Variants in LZTS1 observed in about 807,000 individuals in gnomAD.
LZTS1 encodes the protein leucine zipper tumor suppressor 1.
LZTS1 carries 31 observed loss-of-function variants against 45.8 expected under a neutral mutation model. That is an observed-to-expected ratio of 0.68 (90% CI 0.51 to 0.91). LZTS1 has a LOEUF of 0.91. Ranked by LOEUF, LZTS1 falls within the 40% of genes least tolerant of loss-of-function variation. The pLI is 0.00. For synonymous variants in LZTS1, 359 were observed against 357.3 expected (o/e 1.00, Z -0.05); for missense variants, 821 against 788.9 (o/e 1.04, Z -0.49).
At chr8:20,253,915 C>T (rs529832683) in intron 2 of LZTS1, among the ~76,000 whole-genome samples, 1 of 152,302 alleles carries the variant, frequency 6.6e-6, no homozygotes, top group Non-Finnish European at 1.5e-5. Flanking sequence ...GTTAGGGCAT[C>T]AGGCTGGCCG....
chr8:20,267,107 CAA>C (rs11379373), intron 1 of LZTS1, among the ~76,000 whole-genome samples: 11 of 109,638 alleles, frequency 1.0e-4, no homozygotes, highest in Admixed American at 2.9e-4. Context: ...GACTCCATCT[CAA>C]AAAAAAAAAA....
intron 1 of LZTS1, among the ~76,000 whole-genome samples, chr8:20,268,974 G>T (rs1009127532): frequency 6.6e-6 from 1 of 152,110 alleles, no homozygotes; most frequent in African/African-American, 2.4e-5. Flanking sequence ...GGTCGTCAGC[G>T]TTCAGCTGCC....
chr8:20,270,979 C>G (rs1230202135), intron 1 of LZTS1, among the ~76,000 whole-genome samples: 2 of 152,070 alleles, frequency 1.3e-5, no homozygotes, highest in Non-Finnish European at 2.9e-5. Context: ...TGGAAATGAC[C>G]TGGCGTGGCA....
At chr8:20,302,867 G>C (rs189569095) in intron 1 of LZTS1, among the ~76,000 whole-genome samples, 72 of 152,200 alleles carry the variant, frequency 4.7e-4, no homozygotes, top group African/African-American at 1.7e-3. Context: ...CGAGCACAAG[G>C]CTCATTTGCT....
chr8:20,281,624 C>G (rs1405763039), intron 1 of LZTS1, among the ~76,000 whole-genome samples: 2 of 152,132 alleles, frequency 1.3e-5, no homozygotes, highest in African/African-American at 4.8e-5. Flanking sequence ...TGAGTTCTTG[C>G]TGAATTCGTT....
In LZTS1 at chr8:20,249,674, C is replaced by A. The variant is rs1799828631; in HGVS notation, c.*48G>T. On this transcript the variant is annotated 3_prime_UTR_variant, in exon 4 of 4. Coordinates refer to ENST00000381569, the MANE Select transcript of LZTS1 (RefSeq NM_021020.5). ...GAGCAGGGGGGATGCACGGGAGAGC[C>A]CTGCCTCCCAGTGCCAGGTCCCCAG... 1.9e-6 allele frequency: 3 copies of A among 1,557,862 alleles called. No individual in the cohort carries two copies. Among genetic ancestry groups the A allele is most frequent in the Non-Finnish European group, 1.7e-6 (2 of 1,156,414 alleles).
At chr8:20,292,708 C>T (rs1434618779) in intron 1 of LZTS1, among the ~76,000 whole-genome samples, 2 of 152,136 alleles carry the variant, frequency 1.3e-5, no homozygotes, top group African/African-American at 4.8e-5. Context: ...TGTATGCCCC[C>T]TGGGGCAAAC....
chr8:20,303,293 G>C (rs1801113065), intron 1 of LZTS1, among the ~76,000 whole-genome samples: 2 of 152,098 alleles, frequency 1.3e-5, no homozygotes, highest in African/African-American at 4.8e-5. Context: ...CATCTGCAAA[G>C]TTCCAGGCGG....
Position 20,255,120 on chromosome 8 carries a change from G to A in LZTS1, c.62C>T (p.Ser21Leu), listed in dbSNP as rs1444298167. 1.9e-6 allele frequency: 3 copies of A among 1,614,066 alleles called. No individual in the cohort carries two copies. Among genetic ancestry groups the A allele is most frequent in the Non-Finnish European group, 1.7e-6 (2 of 1,180,038 alleles). Residue 21 changes from serine (S) to leucine (L), a missense_variant, in exon 2 of 4, where the codon TCG (serine) becomes TTG (leucine). Transcript: ENST00000381569. ...HSFHSKHCRA[S>L]QYKLRKSSHL... Reference sequence around the variant, plus strand: ...GGAGGACTTGCGCAGCTTGTACTGCGAAGCCCGGCAGTGCTTGCTGTGGAA... The same window carrying A: ...GGAGGACTTGCGCAGCTTGTACTGCAAAGCCCGGCAGTGCTTGCTGTGGAA...
At chr8:20,271,128 C>T (rs1350926323) in intron 1 of LZTS1, among the ~76,000 whole-genome samples, 1 of 152,056 alleles carries the variant, frequency 6.6e-6, no homozygotes, top group Non-Finnish European at 1.5e-5. Flanking sequence ...CCATTCCCAA[C>T]GAGTCTCTAC....
chr8:20,267,490 T>C (rs1189919880), intron 1 of LZTS1, among the ~76,000 whole-genome samples: 1 of 152,152 alleles, frequency 6.6e-6, no homozygotes. Flanking sequence ...CCATCAGTCA[T>C]CATTCATCAG....
chr8:20,253,475 G>T lies in LZTS1; in HGVS notation c.456C>A (p.Ala152=). The T allele has an allele frequency of 2.5e-6, 4 of 1,604,648 alleles. No homozygotes were observed. Among genetic ancestry groups the T allele is most frequent in the Non-Finnish European group, 2.6e-6 (3 of 1,176,318 alleles). Residue 152 remains alanine (A), a synonymous_variant, in exon 3 of 4, where the codon GCC becomes GCA. Transcript: ENST00000381569. ...CCTGCTCCTTGGGCTTGTCTGGAGG[G>T]GCGGGGTGCAGCTGGTGGCTGGCAC... ...PESASHQLHP[A]PPDKPKEQEL...
At chr8:20,273,546 T>C (rs111609450) in intron 1 of LZTS1, among the ~76,000 whole-genome samples, 1,763 of 152,200 alleles carry the variant, frequency 0.012, 38 homozygotes, top group African/African-American at 0.04. Context: ...GGAATCCCGG[T>C]GTTAGTGAAC....
chr8:20,256,372 G>A (rs1800100355), intron 1 of LZTS1, among the ~76,000 whole-genome samples: 1 of 152,208 alleles, frequency 6.6e-6, no homozygotes, highest in African/African-American at 2.4e-5. Flanking sequence ...TTAAGCAGCT[G>A]ACACCTTGAT....
At chr8:20,288,987 G>GTGT (rs1800847562) in intron 1 of LZTS1, among the ~76,000 whole-genome samples, 1 of 119,694 alleles carries the variant, frequency 8.4e-6, no homozygotes, top group Admixed American at 8.9e-5. Context: ...ATAGCAGCTG[G>GTGT]TTTTTTTTTT....
rs749091977 is a variant in LZTS1 at position 20,254,899 on chromosome 8, C to T, written c.283G>A (p.Gly95Arg). 6.2e-7 allele frequency: 1 copy of T among 1,614,200 alleles called. No individual in the cohort carries two copies. Among genetic ancestry groups the T allele is most frequent in the Non-Finnish European group, 8.5e-7 (1 of 1,180,038 alleles). ...LSSGDLGGQA[G>R]VDFDPSTPPK... The stretch of plus-strand genomic sequence containing the variant: ...GGTGTGGACGGGTCAAAGTCCACCC[C>T]AGCCTGGCCCCCTAAATCCCCGCTG... Residue 95 changes from glycine to arginine, a missense_variant, in exon 2 of 4, where the codon GGG (glycine) becomes AGG (arginine). By Grantham distance (125) the Gly-to-Arg change is moderately radical. Transcript: ENST00000381569.
intron 1 of LZTS1, among the ~76,000 whole-genome samples, chr8:20,263,070 A>G (rs376866886): frequency 1.3e-5 from 2 of 152,182 alleles, no homozygotes; most frequent in Non-Finnish European, 1.5e-5. Context: ...GGTCATTGTT[A>G]GTATTCTTTC....
intron 1 of LZTS1, among the ~76,000 whole-genome samples, chr8:20,273,611 A>C (rs1800517841): frequency 6.6e-6 from 1 of 152,138 alleles, no homozygotes; most frequent in Non-Finnish European, 1.5e-5. Context: ...GCAAACCAGG[A>C]ACTTTTGATT....
At chr8:20,266,568 AC>A (rs1433050054) in intron 1 of LZTS1, among the ~76,000 whole-genome samples, 1 of 151,906 alleles carries the variant, frequency 6.6e-6, no homozygotes, top group East Asian at 2.0e-4. Flanking sequence ...CCCTTCCTCA[AC>A]AACCAATCCT....
Sources: allele counts gnomAD v4.1 joint callset (sites outside exome capture counted in the v4.1 genomes callset), GRCh38; gene constraint gnomAD v4.1.1; transcripts MANE v1.5; gene names NCBI Gene and HGNC (gene_info 2026-07-23, HGNC 2026-07-21).